HSD17B13: variants seen among roughly 807,000 people sequenced by gnomAD.
HSD17B13 encodes 17-beta-hydroxysteroid dehydrogenase 13.
HSD17B13 carries 26 observed loss-of-function variants against 31.1 expected under a neutral mutation model. The observed-to-expected ratio is 0.84, with a 90% CI of 0.61 to 1.16. The LOEUF (loss-of-function observed/expected upper bound fraction) is 1.16, where lower values mean the gene tolerates loss of function less well. HSD17B13 is among the 50% of genes most tolerant of loss of function. The pLI, the probability that HSD17B13 is intolerant of heterozygous loss-of-function variation, is 0.00. For missense variants in HSD17B13, 374 were observed against 366.5 expected, an observed-to-expected ratio of 1.02 and a Z score of -0.17; for synonymous variants, 141 against 133.7, an observed-to-expected ratio of 1.05 and a Z score of -0.38.
At position 87,305,224 on chromosome 4, in the gene HSD17B13, C is replaced by A; in HGVS notation, c.897G>T (p.Met299Ile). The change falls in exon 7 of 7, where the codon ATG (methionine) becomes ATT (isoleucine). Residue 299 changes from methionine to isoleucine, a missense_variant. Met to Ile is a conservative substitution (Grantham distance 10). Transcript: ENST00000328546. ...CTGGCTGGAGCTTATTTATTCATTT[C>A]ATTTTGATTTTGTGGCCAACCACTG... ...FEAVVGHKIK[M>I]K The A allele has an allele frequency of 6.3e-7, 1 of 1,595,812 alleles. No homozygotes were observed. The highest frequency in any genetic ancestry group is 8.6e-7 in the Non-Finnish European group (1 of 1,167,884).
At chr4:87,313,604 C>A (rs1412327109) in intron 5 of HSD17B13, among the ~76,000 whole-genome samples, 2 of 152,092 alleles carry the variant, frequency 1.3e-5, no homozygotes, top group Non-Finnish European at 2.9e-5. Flanking sequence ...CTCCCGGACA[C>A]AAATAAATAT....
At chr4:87,309,482 A>G (rs1734478303) in intron 6 of HSD17B13, among the ~76,000 whole-genome samples, 1 of 151,992 alleles carries the variant, frequency 6.6e-6, no homozygotes, top group Non-Finnish European at 1.5e-5. Context: ...ACTACAAAAT[A>G]CAATTTAAAG....
At chr4:87,318,198 T>TG in intron 2 of HSD17B13, 131 bp downstream of exon 2, 1 of 662,150 alleles carries the variant, frequency 1.5e-6, no homozygotes, top group Non-Finnish European at 2.7e-6. Flanking sequence ...CCTTCCTTGG[T>TG]GACATAACTA....
chr4:87,322,774 A>C lies in HSD17B13; in HGVS notation c.68T>G (p.Val23Gly), dbSNP rs571845258. Residue 23 changes from valine (V) to glycine (G), a missense_variant, in exon 1 of 7, where the codon GTG becomes GGG. Coordinates refer to ENST00000328546, the MANE Select transcript of HSD17B13 (RefSeq NM_178135.5). ...TIIYSYLESLVKFFIPQRRKS... is the reference protein window; with the variant it reads ...TIIYSYLESLGKFFIPQRRKS... Reference sequence around the variant, plus strand: ...TCTCCTCTGAGGAATGAAAAACTTCACCAACGACTCCAAGTAGGAGTAGAT... The same window carrying C: ...TCTCCTCTGAGGAATGAAAAACTTCCCCAACGACTCCAAGTAGGAGTAGAT... The C allele has an allele frequency of 1.5e-3, 2,479 of 1,614,158 alleles. 43 individuals are homozygous for C. In the South Asian group the frequency reaches 0.026, roughly 17 times the overall value.
In HSD17B13 at chr4:87,318,420, G is replaced by A; in HGVS notation, c.227C>T (p.Thr76Ile). The A allele has an allele frequency of 6.2e-7, 1 of 1,614,052 alleles. No individual in the cohort carries two copies. The highest frequency in any genetic ancestry group is 8.5e-7 in the Non-Finnish European group (1 of 1,179,888). Residue 76 changes from threonine to isoleucine, a missense_variant, in exon 2 of 7, where the codon ACT becomes ATT. By Grantham distance (89) the Thr-to-Ile change is moderately conservative. Transcript: ENST00000328546. ...WDINKRGVEE[T>I]AAECRKLGVT... is the part of the protein sequence containing the mutation. ...GCCTAGTTTTCGGCACTCAGCTGCA[G>A]TTTCCTCCACACCGCGCTGTAATTA... is the stretch of plus-strand genomic sequence containing the variant.
chr4:87,311,901 A>G (rs74345716), intron 5 of HSD17B13, among the ~76,000 whole-genome samples: 4,793 of 152,314 alleles, frequency 0.031, 302 homozygotes, highest in East Asian at 0.29. Flanking sequence ...TTTCATCTAC[A>G]TGGATCCAAC....
chr4:87,307,484 A>G (rs1734414786), intron 6 of HSD17B13, among the ~76,000 whole-genome samples: 1 of 152,176 alleles, frequency 6.6e-6, no homozygotes. Flanking sequence ...CAAGACACTA[A>G]TTTAGTCAAC....
rs536799176 is a variant in HSD17B13 at position 87,309,875 on chromosome 4, T to C, written c.812+368A>G. Among the ~76,000 whole-genome samples, 44 of 152,244 alleles carry C rather than the reference T, an allele frequency of 2.9e-4. No individual in the cohort carries two copies. The South Asian group carries it at 8.9e-3, about 31-fold the overall frequency. On this transcript the variant is annotated intron_variant, in intron 6 of 6. Coordinates refer to ENST00000328546, the MANE Select transcript of HSD17B13 (RefSeq NM_178135.5). ...AAGATGCTCCATAATAATAGCTCTA[T>C]TGGGCCAGGCATGGTGGCTCATGAC...
In HSD17B13 at chr4:87,304,671, T is replaced by C. The variant is rs1734346749; in HGVS notation, c.*547A>G. ...CAGAATCAAGTAATAAAGTCCAGAA[T>C]AGAGTTGCACCGTTTTGGGCTAATG... On this transcript the variant is annotated 3_prime_UTR_variant, in exon 7 of 7. Coordinates refer to ENST00000328546, the MANE Select transcript of HSD17B13 (RefSeq NM_178135.5). 1 of 152,206 alleles carries C rather than the reference T, an allele frequency of 6.6e-6. No homozygotes were observed. The highest frequency in any genetic ancestry group is 2.4e-5 in the African/African-American group (1 of 41,446). The allele number at this position is 152,206 out of a possible 1,614,324, so 9.4% of individuals were successfully genotyped here.
At chr4:87,312,530 T>G (rs1734552510) in intron 5 of HSD17B13, among the ~76,000 whole-genome samples, 1 of 130,934 alleles carries the variant, frequency 7.6e-6, no homozygotes. Context: ...TTTTTTTTTT[T>G]TTTTTTTTTT....
At chr4:87,311,958 C>A (rs1734538720) in intron 5 of HSD17B13, among the ~76,000 whole-genome samples, 1 of 152,168 alleles carries the variant, frequency 6.6e-6, no homozygotes, top group Non-Finnish European at 1.5e-5. Context: ...AATGCCTTAG[C>A]CCTTACTAAG....
chr4:87,315,488 C>T lies in HSD17B13; in HGVS notation c.557+5G>A. The T allele has an allele frequency of 1.6e-5, 25 of 1,557,598 alleles. No individual in the cohort carries two copies. Among genetic ancestry groups the T allele is most frequent in the Non-Finnish European group, 2.2e-5 (25 of 1,131,972 alleles). Reference sequence around the variant, plus strand: ...TATATAACATGGCTGGCATGTGATACTTACCAATATGGGATGAGGTAAGGA... The same window carrying T: ...TATATAACATGGCTGGCATGTGATATTTACCAATATGGGATGAGGTAAGGA... On this transcript the variant is annotated splice_donor_5th_base_variant and intron_variant, in intron 4 of 6. Transcript: ENST00000328546.
intron 6 of HSD17B13, among the ~76,000 whole-genome samples, chr4:87,307,173 G>C (rs1448571903): frequency 6.6e-6 from 1 of 151,916 alleles, no homozygotes; most frequent in African/African-American, 2.4e-5. Flanking sequence ...CTTCATGCTA[G>C]TAATTGCATC....
intron 6 of HSD17B13, among the ~76,000 whole-genome samples, chr4:87,306,841 A>AG (rs1734400420): frequency 7.6e-6 from 1 of 131,148 alleles, no homozygotes; most frequent in African/African-American, 2.9e-5. Context: ...CAGGAGGTGG[A>AG]GGTTACAGTG....
In HSD17B13 at chr4:87,317,563, CTTTTTTTTTT is replaced by C. The variant is rs869241617; in HGVS notation, c.319-350_319-341del. On this transcript the variant is annotated intron_variant, in intron 2 of 6. Coordinates refer to ENST00000328546, the MANE Select transcript of HSD17B13 (RefSeq NM_178135.5). ...TTTTAAAAATGTGTTTTTCTTTAAA[CTTTTTTTTTT>C]TTTTTTTTTTTTTTTTTTAGAGATA... 8.6e-4 allele frequency among the ~76,000 whole-genome samples: 43 copies of C among 49,750 alleles called. 1 individual carries two copies. Among genetic ancestry groups the C allele is most frequent in the African/African-American group, 3.2e-3 (38 of 11,886 alleles). The allele number at this position is 49,750 out of a possible 152,430, so 32.6% of individuals were successfully genotyped here.
chr4:87,318,346 A>G lies in HSD17B13; in HGVS notation c.301T>C (p.Tyr101His). ...VVDCSNREEIYRSLNQVKKEV... is the reference protein window; with the variant it reads ...VVDCSNREEIHRSLNQVKKEV... The stretch of plus-strand genomic sequence containing the variant: ...AGTCTCACCTGATTTAGAGAGCGAT[A>G]GATCTCTTCTCTGTTGCTGCAGTCT... Residue 101 changes from tyrosine (Y) to histidine (H), a missense_variant, in exon 2 of 7, where the codon TAT (tyrosine) becomes CAT (histidine). Transcript: ENST00000328546. 1 of 1,613,290 alleles carries G rather than the reference A, an allele frequency of 6.2e-7. No homozygotes were observed. Among genetic ancestry groups the G allele is most frequent in the Non-Finnish European group, 8.5e-7 (1 of 1,179,186 alleles).
chr4:87,322,615 G>T lies in HSD17B13; in HGVS notation c.210+17C>A. ...CTTACTCTGTGACTTTAAAAAGTTG[G>T]AAGATGTATACATTACCTTATTAAT... is the stretch of plus-strand genomic sequence containing the variant. On this transcript the variant is annotated intron_variant, in intron 1 of 6. Transcript: ENST00000328546. 6.6e-7 allele frequency: 1 copy of T among 1,525,780 alleles called. No homozygotes were observed. Among genetic ancestry groups the T allele is most frequent in the Non-Finnish European group, 9.1e-7 (1 of 1,099,640 alleles). The allele number at this position is 1,525,780 out of a possible 1,614,324, so 94.5% of individuals were successfully genotyped here.
chr4:87,318,192 C>T, intron 2 of HSD17B13, 137 bp downstream of exon 2: 1 of 645,866 alleles, frequency 1.5e-6, no homozygotes, highest in Non-Finnish European at 2.8e-6. Context: ...ATATATCCTT[C>T]CTTGGTGACA....
chr4:87,322,437 A>G (rs1734810185), intron 1 of HSD17B13, among the ~76,000 whole-genome samples, 195 bp downstream of exon 1: 1 of 152,220 alleles, frequency 6.6e-6, no homozygotes, highest in Non-Finnish European at 1.5e-5. Flanking sequence ...ACACCATGTC[A>G]TAAAAATCGC....
Sources: gnomAD v4.1 joint callset for allele counts (sites outside exome capture counted in the v4.1 genomes callset) on GRCh38, gnomAD v4.1.1 for gene constraint, MANE v1.5 for transcripts, NCBI Gene and HGNC (gene_info 2026-07-23, HGNC 2026-07-21) for gene names.